LMAN2L: variants seen among roughly 807,000 people sequenced by gnomAD.
The protein encoded by LMAN2L is VIP36-like protein.
LMAN2L carries 30 observed loss-of-function variants against 44.3 expected under a neutral mutation model. The ratio of observed to expected loss-of-function variants is 0.68; its 90% confidence interval spans 0.51 to 0.92. The LOEUF is 0.92. LMAN2L is among the 40% of genes least tolerant of loss of function. LMAN2L has a pLI of 0.00. For synonymous variants in LMAN2L, 183 were observed against 171.1 expected, an observed-to-expected ratio of 1.07 and a Z score of -0.54; for missense variants, 429 against 446.1, an observed-to-expected ratio of 0.96 and a Z score of 0.35.
At chr2:96,738,142 G>A in intron 1 of LMAN2L, 75 bp from the exon 2 acceptor site, 2 of 959,054 alleles carry the variant, frequency 2.1e-6, no homozygotes, top group Non-Finnish European at 1.7e-6. Context: ...CAGAGCCTCT[G>A]AAAGCTGAGC....
rs745761074 is a variant in LMAN2L, at chr2:96,715,887, G to A, written c.508-3862C>T. On this transcript the variant is annotated intron_variant, in intron 4 of 7. Transcript: ENST00000264963. ...CTTCGGTGGATTACATCACCTCTTT[G>A]AGATTCTATTTCCTCACTGTAAACA... 1.4e-4 allele frequency among the ~76,000 whole-genome samples: 21 copies of A among 152,130 alleles called. 1 individual carries two copies. Among genetic ancestry groups the A allele is most frequent in the Non-Finnish European group, 4.4e-5 (3 of 68,038 alleles).
Position 96,707,816 on chromosome 2 carries a change from A to G in LMAN2L, c.802T>C (p.Ser268Pro), listed in dbSNP as rs756237520. 6.2e-7 allele frequency: 1 copy of G among 1,613,944 alleles called. No individual in the cohort carries two copies. Among genetic ancestry groups the G allele is most frequent in the East Asian group, 2.2e-5 (1 of 44,886 alleles). ...GDLSDNHDVI[S>P]LKLFELTVER... ...ACTGTCAGTTCAAACAACTTCAAGGAAATGACATCATGATTATCTGAAGAA... is the reference window on the plus strand; with the variant it reads ...ACTGTCAGTTCAAACAACTTCAAGGGAATGACATCATGATTATCTGAAGAA... Residue 268 changes from serine (S) to proline (P), a missense_variant, in exon 7 of 8, where the codon TCC becomes CCC. Transcript: ENST00000264963.
intron 4 of LMAN2L, among the ~76,000 whole-genome samples, chr2:96,713,769 C>T (rs112062320): frequency 3.9e-5 from 6 of 152,322 alleles, no homozygotes; most frequent in African/African-American, 1.4e-4. Context: ...TCATTCTAAC[C>T]TACCACACAT....
At chr2:96,707,500 C>T in intron 7 of LMAN2L, 102 bp from the exon 8 acceptor site, 1 of 1,381,412 alleles carries the variant, frequency 7.2e-7, no homozygotes. Context: ...ACACCTACTT[C>T]TGGGAAGCCA....
intron 6 of LMAN2L, 135 bp downstream of exon 6, chr2:96,711,521 G>A: frequency 1.6e-6 from 1 of 625,570 alleles, no homozygotes; most frequent in Non-Finnish European, 2.9e-6. Flanking sequence ...TAAGAATGCA[G>A]AAGGAGAAGC....
intron 4 of LMAN2L, among the ~76,000 whole-genome samples, chr2:96,724,829 T>A (rs903735012): frequency 6.6e-6 from 1 of 151,012 alleles, no homozygotes; most frequent in Non-Finnish European, 1.5e-5. Flanking sequence ...TTATTTTTAT[T>A]TTTATTTATT....
chr2:96,709,606 GT>G (rs1441487346), intron 6 of LMAN2L, among the ~76,000 whole-genome samples: 6 of 152,190 alleles, frequency 3.9e-5, no homozygotes, highest in Non-Finnish European at 8.8e-5. Flanking sequence ...TTGGAAAAAT[GT>G]TAACTGTCAG....
intron 4 of LMAN2L, among the ~76,000 whole-genome samples, chr2:96,729,997 C>A (rs1164348925): frequency 3.3e-5 from 5 of 152,132 alleles, no homozygotes; most frequent in Admixed American, 6.5e-5. Flanking sequence ...CAGGGAATTA[C>A]AATGTGCACT....
At chr2:96,713,030 T>G (rs1353379506) in intron 4 of LMAN2L, 45 of 1,294,704 alleles carry the variant, frequency 3.5e-5, no homozygotes, top group Non-Finnish European at 4.9e-5. Flanking sequence ...GACAACCACA[T>G]GGACTTGAAA....
At chr2:96,735,837 CAA>C (rs569948329) in intron 2 of LMAN2L, among the ~76,000 whole-genome samples, 22 of 106,196 alleles carry the variant, frequency 2.1e-4, no homozygotes, top group Admixed American at 2.0e-4. Flanking sequence ...GACTCCATCT[CAA>C]AAAAAAAAAA....
chr2:96,706,492 A>G lies in LMAN2L; in HGVS notation c.*764T>C, dbSNP rs1006480501. 2 of 152,186 alleles carry G rather than the reference A, an allele frequency of 1.3e-5. No homozygotes were observed. The highest frequency in any genetic ancestry group is 4.8e-5 in the African/African-American group (2 of 41,434). 9.4% of individuals were successfully genotyped at this position (152,186 alleles called of 1,614,324 possible). On this transcript the variant is annotated 3_prime_UTR_variant, in exon 8 of 8. Transcript: ENST00000264963. The stretch of plus-strand genomic sequence containing the variant: ...CTTCCAGGCTTCTCTTGATTTTTAC[A>G]CCAACCTTTAGCCAAACTTCACTGA...
intron 2 of LMAN2L, among the ~76,000 whole-genome samples, chr2:96,736,551 C>T (rs556359661): frequency 2.6e-5 from 4 of 152,138 alleles, no homozygotes; most frequent in Non-Finnish European, 4.4e-5. Context: ...CATAATCATC[C>T]GGTAACCCAC....
At chr2:96,714,490 G>A (rs1046295432) in intron 4 of LMAN2L, among the ~76,000 whole-genome samples, 1 of 152,236 alleles carries the variant, frequency 6.6e-6, no homozygotes, top group African/African-American at 2.4e-5. Context: ...CTGGCATGAA[G>A]TTAATCTTCA....
At chr2:96,733,718 A>G (rs951975758) in intron 3 of LMAN2L, 117 bp from the exon 4 acceptor site, 5 of 782,770 alleles carry the variant, frequency 6.4e-6, no homozygotes, top group African/African-American at 1.7e-5. Flanking sequence ...GCCTCTCTCA[A>G]GATGAGAAAA....
At chr2:96,732,846 T>A (rs1358355598) in intron 4 of LMAN2L, among the ~76,000 whole-genome samples, 1 of 150,080 alleles carries the variant, frequency 6.7e-6, no homozygotes, top group Non-Finnish European at 1.5e-5. Flanking sequence ...GGGAGTGCAA[T>A]GGTGTGATTC....
rs1278926186 is a variant in LMAN2L at position 96,739,935 on chromosome 2, C to T, written c.106G>A (p.Gly36Arg). The T allele has an allele frequency of 6.2e-7, 1 of 1,614,144 alleles. No individual in the cohort carries two copies. Residue 36 changes from glycine to arginine, a missense_variant, in exon 1 of 8, where the codon GGG becomes AGG. Physicochemically the swap from Gly to Arg is moderately radical, Grantham distance 125. Coordinates refer to ENST00000264963, the MANE Select transcript of LMAN2L (RefSeq NM_030805.4). The stretch of plus-strand genomic sequence containing the variant: ...GCCCCGACTTGCTGTGGCCCCTGCC[C>T]AGACCCCAACAAAAGAAGAAGGAGT... ...MLLLLLLLGS[G>R]QGPQQVGAGQ...
At chr2:96,709,944 C>G (rs903298463) in intron 6 of LMAN2L, among the ~76,000 whole-genome samples, 2 of 152,142 alleles carry the variant, frequency 1.3e-5, no homozygotes, top group South Asian at 4.1e-4. Flanking sequence ...TTAAAAAGTA[C>G]GTCAGGAGGT....
chr2:96,713,076 G>T, intron 4 of LMAN2L: 1 of 1,542,284 alleles, frequency 6.5e-7, no homozygotes, highest in Non-Finnish European at 8.8e-7. Context: ...TGGGAATGAG[G>T]GATGCTCATG....
intron 2 of LMAN2L, 129 bp from the exon 3 acceptor site, chr2:96,734,655 T>C (rs2078477277): frequency 3.1e-6 from 2 of 652,376 alleles, no homozygotes; most frequent in African/African-American, 3.6e-5. Context: ...AAAACTTAAA[T>C]CTAAGACTTG....
Sources: allele counts gnomAD v4.1 joint callset (sites outside exome capture counted in the v4.1 genomes callset), GRCh38; gene constraint gnomAD v4.1.1; transcripts MANE v1.5; gene names NCBI Gene and HGNC (gene_info 2026-07-23, HGNC 2026-07-21).